The following CTNNA2 variants were observed in gnomAD, a reference collection of about 807,000 sequenced individuals.
CTNNA2 encodes catenin alpha-2.
In CTNNA2, 42 loss-of-function variants were observed where a neutral mutation model predicts 101.0. The ratio of observed to expected loss-of-function variants is 0.42; its 90% CI spans 0.32 to 0.54. The LOEUF (loss-of-function observed/expected upper bound fraction) is 0.54. Among genes scored for constraint, CTNNA2 ranks in the 20% least tolerant of loss-of-function variants. The pLI is 0.14. For missense variants in CTNNA2, 871 were observed against 1,223.1 expected (o/e 0.71, Z 4.29); for synonymous variants, 450 against 456.4 (o/e 0.99, Z 0.18).
chr2:79,962,042 C>A (rs1001428542), intron 7 of CTNNA2, among the ~76,000 whole-genome samples: 1 of 152,188 alleles, frequency 6.6e-6, no homozygotes, highest in Admixed American at 6.5e-5. Context: ...ACTAGCTCTT[C>A]GTCTGTTACT....
chr2:79,509,436 G>A (rs186997654), upstream of CTNNA2, among the ~76,000 whole-genome samples: 3 of 152,172 alleles, frequency 2.0e-5, no homozygotes, highest in African/African-American at 7.2e-5. Context: ...GCTAAAAACA[G>A]AGCTGTCAAG....
chr2:80,522,229 G>T (rs1016863597), intron 9 of CTNNA2, among the ~76,000 whole-genome samples: 1 of 152,172 alleles, frequency 6.6e-6, no homozygotes, highest in South Asian at 2.1e-4. Flanking sequence ...AGGGTGATTG[G>T]TAGTTAGTGT....
chr2:79,395,383 C>T (rs1230706611), intron 4 of CTNNA2, among the ~76,000 whole-genome samples: 1 of 151,816 alleles, frequency 6.6e-6, no homozygotes, highest in East Asian at 1.9e-4. Flanking sequence ...TAATGCTATC[C>T]TTCCACCCTC....
At position 80,158,132 on chromosome 2, in the gene CTNNA2, T is replaced by C. The variant is rs186487185; in HGVS notation, c.1057-235079T>C. ...TGCTATTGAATGCAAATGTCAGAAA[T>C]AGCCTCTTCCACCCGATTAATTATG... is the stretch of plus-strand genomic sequence containing the variant. On this transcript the variant is annotated intron_variant, in intron 7 of 18. Coordinates refer to ENST00000402739, the MANE Select transcript of CTNNA2 (RefSeq NM_001282597.3). 1.9e-3 allele frequency among the ~76,000 whole-genome samples: 283 copies of C among 152,260 alleles called. 6 individuals carry two copies. Among genetic ancestry groups the C allele is most frequent in the East Asian group, 6.2e-3 (32 of 5,160 alleles).
At chr2:79,486,651 C>T (rs1222034011) in intron 4 of CTNNA2, among the ~76,000 whole-genome samples, 1 of 152,196 alleles carries the variant, frequency 6.6e-6, no homozygotes, top group Non-Finnish European at 1.5e-5. Flanking sequence ...AATCGCCACA[C>T]TGACTTCCAC....
intron 1 of CTNNA2, among the ~76,000 whole-genome samples, chr2:79,514,289 A>G (rs1418778655): frequency 6.6e-6 from 1 of 152,204 alleles, no homozygotes; most frequent in Non-Finnish European, 1.5e-5. Context: ...TATACTCCAC[A>G]GGCTTGTAAA....
intron 4 of CTNNA2, among the ~76,000 whole-genome samples, chr2:79,395,050 T>A (rs1678214575): frequency 6.6e-6 from 1 of 152,074 alleles, no homozygotes; most frequent in Admixed American, 6.6e-5. Context: ...CTGTGATAGA[T>A]TCGTTGCTAA....
chr2:79,980,268 A>T (rs1465332256), intron 7 of CTNNA2, among the ~76,000 whole-genome samples: 4 of 152,174 alleles, frequency 2.6e-5, no homozygotes, highest in Admixed American at 6.5e-5. Flanking sequence ...ATGCAAGTTT[A>T]AAAATGCAAG....
At chr2:80,349,299 A>G (rs780735610) in intron 7 of CTNNA2, among the ~76,000 whole-genome samples, 4 of 152,152 alleles carry the variant, frequency 2.6e-5, no homozygotes, top group Non-Finnish European at 4.4e-5. Flanking sequence ...TTTGCTCCCA[A>G]TGGCTTCATG....
chr2:79,445,619 A>C (rs1276971920), intron 4 of CTNNA2, among the ~76,000 whole-genome samples: 2 of 152,142 alleles, frequency 1.3e-5, no homozygotes, highest in African/African-American at 4.8e-5. Context: ...TCACCTGTTG[A>C]TTAGTGGTTC....
chr2:79,462,591 A>T (rs1670891767), intron 4 of CTNNA2, among the ~76,000 whole-genome samples: 1 of 152,248 alleles, frequency 6.6e-6, no homozygotes, highest in East Asian at 1.9e-4. Context: ...CTATGTCAGT[A>T]TAGGAAATGT....
chr2:79,191,685 G>A (rs368168311), intron 1 of CTNNA2, among the ~76,000 whole-genome samples: 9 of 152,156 alleles, frequency 5.9e-5, no homozygotes, highest in African/African-American at 2.2e-4. Flanking sequence ...GAAACTTTGA[G>A]GGAGGGAGCG....
chr2:79,910,099 T>C (rs1685682706), intron 7 of CTNNA2, among the ~76,000 whole-genome samples: 1 of 152,194 alleles, frequency 6.6e-6, no homozygotes, highest in Admixed American at 6.5e-5. Context: ...AAGATTTCAA[T>C]TGGTAAAGGT....
intron 7 of CTNNA2, among the ~76,000 whole-genome samples, chr2:80,181,584 C>T (rs1027856825): frequency 4.6e-5 from 7 of 152,142 alleles, no homozygotes; most frequent in African/African-American, 1.7e-4. Flanking sequence ...AGATAAGACT[C>T]AGGGTAATCT....
At chr2:80,255,028 G>T (rs1313693227) in intron 7 of CTNNA2, among the ~76,000 whole-genome samples, 1 of 152,088 alleles carries the variant, frequency 6.6e-6, no homozygotes, top group Non-Finnish European at 1.5e-5. Flanking sequence ...TCCTGAGCAG[G>T]TCTAGGGGGA....
At chr2:79,258,342 G>A (rs1674875249) in intron 2 of CTNNA2, among the ~76,000 whole-genome samples, 1 of 152,216 alleles carries the variant, frequency 6.6e-6, no homozygotes, top group African/African-American at 2.4e-5. Context: ...ACCTTGGGCA[G>A]TTCCCCTCAA....
intron 11 of CTNNA2, among the ~76,000 whole-genome samples, chr2:80,551,680 C>G (rs1347451767): frequency 6.6e-6 from 1 of 152,198 alleles, no homozygotes; most frequent in Non-Finnish European, 1.5e-5. Context: ...GCATTAGGAT[C>G]TTGGTCAAGA....
intron 7 of CTNNA2, among the ~76,000 whole-genome samples, chr2:80,323,539 T>G (rs976951505): frequency 3.3e-5 from 5 of 152,178 alleles, no homozygotes; most frequent in Admixed American, 3.3e-4. Context: ...TTATGATCTC[T>G]GCCTCTATGC....
Position 79,993,808 on chromosome 2 carries a change from A to G in CTNNA2, c.1056+84011A>G, listed in dbSNP as rs562103130. Among the ~76,000 whole-genome samples, 11 of 152,302 alleles carry G rather than the reference A, an allele frequency of 7.2e-5. No homozygotes were observed. In the East Asian group the frequency reaches 2.1e-3, roughly 29 times the overall value. ...TGGGGAGCCAAGTAGGCCTGGTGTG[A>G]TGACTCTGCCAGTGCCAAGCTTTTA... On this transcript the variant is annotated intron_variant, in intron 7 of 18. Coordinates refer to ENST00000402739, the MANE Select transcript of CTNNA2 (RefSeq NM_001282597.3).
Sources: gnomAD v4.1 joint callset for allele counts (sites outside exome capture counted in the v4.1 genomes callset) on GRCh38, gnomAD v4.1.1 for gene constraint, MANE v1.5 for transcripts, NCBI Gene and HGNC (gene_info 2026-07-23, HGNC 2026-07-21) for gene names.